CD99L2: variants seen among roughly 807,000 people sequenced by gnomAD.
The protein encoded by CD99L2 is CD99 antigen-like protein 2.
CD99L2 carries 24 observed loss-of-function variants against 27.3 expected under a neutral mutation model. The observed-to-expected ratio is 0.88, with a 90% CI of 0.64 to 1.24. The LOEUF is 1.24. Ranked by LOEUF, CD99L2 falls within the 50% of genes most tolerant of loss-of-function variation. The pLI is 0.00. For synonymous variants in CD99L2, 97 were observed against 87.9 expected, an observed-to-expected ratio of 1.10 and a Z score of -0.58; for missense variants, 255 against 221.6, an observed-to-expected ratio of 1.15 and a Z score of -0.96.
At chrX:150,882,947 G>A (rs890298498) in intron 1 of CD99L2, among the ~76,000 whole-genome samples, 1 of 109,823 alleles carries the variant, frequency 9.1e-6, no homozygotes, top group East Asian at 2.9e-4. Context: ...TGAGGTGGGC[G>A]GATCACCTGA....
intron 4 of CD99L2, among the ~76,000 whole-genome samples, chrX:150,801,123 G>T (rs1257028432): frequency 9.0e-6 from 1 of 110,847 alleles, no homozygotes; most frequent in African/African-American, 3.3e-5. Context: ...CATTTAAAAA[G>T]GAATTATCAC....
At chrX:150,772,928 A>G (rs2043486537) in intron 9 of CD99L2, among the ~76,000 whole-genome samples, 1 of 111,893 alleles carries the variant, frequency 8.9e-6, no homozygotes, top group African/African-American at 3.2e-5. Context: ...AGATGGACAC[A>G]CTGGGCCGAC....
intron 6 of CD99L2, among the ~76,000 whole-genome samples, chrX:150,794,517 C>T (rs1050762922): frequency 2.7e-5 from 3 of 112,125 alleles, no homozygotes; most frequent in Non-Finnish European, 5.6e-5. Context: ...AATTTATGAA[C>T]GGGTAAAAGG....
At chrX:150,771,692 G>C in intron 9 of CD99L2, 1 of 889,319 alleles carries the variant, frequency 1.1e-6, no homozygotes, top group African/African-American at 2.0e-5. Context: ...ACGTCGGTGA[G>C]TGCCAGGGAA....
At chrX:150,877,773 C>T (rs1455363736) in intron 1 of CD99L2, among the ~76,000 whole-genome samples, 1 of 110,941 alleles carries the variant, frequency 9.0e-6, no homozygotes, top group Non-Finnish European at 1.9e-5. Flanking sequence ...GAGCTGTGAT[C>T]GCACCACTGC....
intron 7 of CD99L2, among the ~76,000 whole-genome samples, chrX:150,790,744 T>C: frequency 8.9e-6 from 1 of 111,810 alleles, no homozygotes; most frequent in Non-Finnish European, 1.9e-5. Context: ...ATCGAAATAA[T>C]CCTTCTGGCA....
chrX:150,793,852 CAGTTCCACTTAAGA>C lies in CD99L2; in HGVS notation c.431-110_431-97del, dbSNP rs2045740300. ...TGCCCAAAATTCAGAAAATGATTCC[CAGTTCCACTTAAGA>C]ATGCCCTTCATGAAATTCTAAGAGG... On this transcript the variant is annotated intron_variant, in intron 6 of 10. Transcript: ENST00000370377. The C allele has an allele frequency of 4.7e-5, 32 of 685,304 alleles. 1 individual carries two copies. In the South Asian group the frequency reaches 1.0e-3, roughly 22 times the overall value. 56.5% of individuals were successfully genotyped at this position (685,304 alleles called of 1,213,427 possible). A position where few individuals can be genotyped will look rare whatever the true frequency, so the allele number is the denominator to read the frequency against.
intron 2 of CD99L2, chrX:150,829,219 A>G (rs1291595929): frequency 1.8e-5 from 3 of 164,585 alleles, no homozygotes; most frequent in African/African-American, 9.4e-5. Flanking sequence ...TATATATTAT[A>G]TATCTATAAA....
At chrX:150,840,186 A>C (rs782488537) in intron 1 of CD99L2, among the ~76,000 whole-genome samples, 3 of 107,561 alleles carry the variant, frequency 2.8e-5, no homozygotes, top group Non-Finnish European at 5.8e-5. Context: ...TGGGTGCCAG[A>C]GGGAGACCCT....
intron 9 of CD99L2, among the ~76,000 whole-genome samples, chrX:150,775,051 T>C (rs782419514): frequency 2.0e-4 from 22 of 112,622 alleles, no homozygotes; most frequent in Non-Finnish European, 3.9e-4. Context: ...TGTGTCGCCC[T>C]GGTCAAGAAT....
chrX:150,880,970 A>G (rs782338570), intron 1 of CD99L2, among the ~76,000 whole-genome samples: 4 of 111,278 alleles, frequency 3.6e-5, no homozygotes, highest in Non-Finnish European at 5.7e-5. Context: ...ACTTCAATGT[A>G]CTTCAATGCT....
intron 7 of CD99L2, among the ~76,000 whole-genome samples, chrX:150,792,011 T>C (rs1361664751): frequency 8.9e-6 from 1 of 112,035 alleles, no homozygotes; most frequent in African/African-American, 3.2e-5. Flanking sequence ...AAATGTGATG[T>C]TTTACCTTTG....
intron 2 of CD99L2, among the ~76,000 whole-genome samples, chrX:150,821,596 A>G (rs1305535327): frequency 3.6e-5 from 4 of 112,465 alleles, no homozygotes; most frequent in Non-Finnish European, 5.6e-5. Context: ...TGATTTGGCA[A>G]TGGATACTTA....
chrX:150,870,835 G>A (rs2047145299), intron 1 of CD99L2, among the ~76,000 whole-genome samples: 1 of 109,986 alleles, frequency 9.1e-6, no homozygotes, highest in Non-Finnish European at 1.9e-5. Flanking sequence ...GGGAAGAAAA[G>A]GCAGCAAGCA....
At chrX:150,885,776 A>C (rs781946795) in intron 1 of CD99L2, among the ~76,000 whole-genome samples, 1 of 112,298 alleles carries the variant, frequency 8.9e-6, no homozygotes, top group African/African-American at 3.2e-5. Flanking sequence ...TTATATGTTT[A>C]TTGTGCAATT....
intron 1 of CD99L2, among the ~76,000 whole-genome samples, chrX:150,893,217 T>C (rs1391661153): frequency 9.0e-6 from 1 of 111,665 alleles, no homozygotes; most frequent in Non-Finnish European, 1.9e-5. Context: ...CAGGTAAGAC[T>C]AACAGGCAGA....
intron 1 of CD99L2, among the ~76,000 whole-genome samples, chrX:150,859,429 G>C (rs1047878773): frequency 1.8e-5 from 2 of 110,904 alleles, no homozygotes; most frequent in Non-Finnish European, 3.8e-5. Flanking sequence ...AACCCGAGAG[G>C]GGGAGATTGC....
chrX:150,788,821 A>T (rs2124087997), intron 7 of CD99L2, among the ~76,000 whole-genome samples: 1 of 111,795 alleles, frequency 8.9e-6, no homozygotes, highest in Non-Finnish European at 1.9e-5. Context: ...GAACTTTACA[A>T]TAAACTGTCA....
intron 1 of CD99L2, among the ~76,000 whole-genome samples, chrX:150,878,729 C>T (rs2047274797): frequency 9.0e-6 from 1 of 111,256 alleles, no homozygotes; most frequent in African/African-American, 3.3e-5. Context: ...AAGGCCTGCC[C>T]CTATCAGATT....
Sources: allele counts gnomAD v4.1 joint callset (sites outside exome capture counted in the v4.1 genomes callset), GRCh38; gene constraint gnomAD v4.1.1; transcripts MANE v1.5; gene names NCBI Gene and HGNC (gene_info 2026-07-23, HGNC 2026-07-21).